Variants in LDLRAD4 observed in about 807,000 individuals in gnomAD.
LDLRAD4 encodes the protein low density lipoprotein receptor class A domain containing 4.
A neutral mutation model predicts 17.0 loss-of-function variants in LDLRAD4; 5 were observed. The observed-to-expected ratio is 0.29, with a 90% CI of 0.15 to 0.62. The LOEUF (loss-of-function observed/expected upper bound fraction) is 0.62, where lower values mean the gene tolerates loss of function less well. LDLRAD4 is among the 20% of genes least tolerant of loss of function. The pLI, the probability that LDLRAD4 is intolerant of heterozygous loss-of-function variation, is 0.84. For synonymous variants in LDLRAD4, 168 were observed against 171.8 expected (o/e 0.98, Z 0.17); for missense variants, 340 against 424.7 (o/e 0.80, Z 1.75).
intron 1 of LDLRAD4, among the ~76,000 whole-genome samples, chr18:13,342,477 CTTTT>C (rs10706515): frequency 2.3e-4 from 9 of 38,706 alleles, no homozygotes; most frequent in African/African-American, 7.0e-4. Flanking sequence ...GCCTTCCTGT[CTTTT>C]TTTTTTTTTT....
At chr18:13,437,156 T>C (rs1017866429) in intron 2 of LDLRAD4, among the ~76,000 whole-genome samples, 1 of 152,210 alleles carries the variant, frequency 6.6e-6, no homozygotes, top group African/African-American at 2.4e-5. Flanking sequence ...TGAAAGGACC[T>C]TGGACTTGAT....
intron 3 of LDLRAD4, among the ~76,000 whole-genome samples, chr18:13,576,598 T>G (rs1401316990): frequency 6.6e-6 from 1 of 152,088 alleles, no homozygotes; most frequent in Non-Finnish European, 1.5e-5. Context: ...AGCTGGAGGG[T>G]GGGTGCTGTC....
intron 1 of LDLRAD4, among the ~76,000 whole-genome samples, chr18:13,316,112 A>C (rs1169826921): frequency 6.6e-6 from 1 of 152,214 alleles, no homozygotes; most frequent in Non-Finnish European, 1.5e-5. Context: ...AAACTCTGTC[A>C]GACATGAAGC....
intron 3 of LDLRAD4, among the ~76,000 whole-genome samples, chr18:13,543,997 C>G (rs532749305): frequency 6.6e-6 from 1 of 152,252 alleles, no homozygotes; most frequent in Non-Finnish European, 1.5e-5. Flanking sequence ...GGCCCACATA[C>G]GTGCATACGT....
At chr18:13,552,337 G>A (rs1443363380) in intron 3 of LDLRAD4, among the ~76,000 whole-genome samples, 1 of 152,158 alleles carries the variant, frequency 6.6e-6, no homozygotes, top group African/African-American at 2.4e-5. Flanking sequence ...CGAATCCCAG[G>A]GCTGCTGGAA....
chr18:13,371,506 A>C (rs1465131116), intron 1 of LDLRAD4, among the ~76,000 whole-genome samples: 1 of 152,080 alleles, frequency 6.6e-6, no homozygotes, highest in Non-Finnish European at 1.5e-5. Context: ...CAGTGGCTCA[A>C]ACCTGTAATC....
intron 1 of LDLRAD4, among the ~76,000 whole-genome samples, chr18:13,379,660 T>C (rs1324894633): frequency 1.3e-5 from 2 of 152,206 alleles, no homozygotes; most frequent in African/African-American, 4.8e-5. Flanking sequence ...GGTGGCGTCC[T>C]GCAGGCCAGA....
Position 13,443,611 on chromosome 18 carries a change from A to G in LDLRAD4, c.181+5227A>G, listed in dbSNP as rs535359493. On this transcript the variant is annotated intron_variant, in intron 3 of 5. Transcript: ENST00000359446. The stretch of plus-strand genomic sequence containing the variant: ...ACCAGGATCCAAAGAAGCCCCAGGC[A>G]TCGTAGATCGCTTTGCTCTTGAAGG... 3.1e-4 allele frequency among the ~76,000 whole-genome samples: 47 copies of G among 152,338 alleles called. 1 individual carries two copies. The South Asian group carries it at 6.8e-3, about 22-fold the overall frequency.
At chr18:13,292,519 C>T (rs991810447) in intron 1 of LDLRAD4, among the ~76,000 whole-genome samples, 5 of 152,128 alleles carry the variant, frequency 3.3e-5, no homozygotes, top group African/African-American at 7.2e-5. Flanking sequence ...ATCTCCAGTA[C>T]GTTTTGAGAA....
At chr18:13,277,772 G>A (rs2044980365), upstream of LDLRAD4, among the ~76,000 whole-genome samples, 1 of 152,148 alleles carries the variant, frequency 6.6e-6, no homozygotes. Context: ...AGTCCAACAG[G>A]GATACTATCT....
rs545323005 is a variant in LDLRAD4 at position 13,222,174 on chromosome 18, C to T, written c.-467+3186C>T. Among the ~76,000 whole-genome samples the T allele has an allele frequency of 2.5e-4, 38 of 152,140 alleles. 1 individual carries two copies. Among genetic ancestry groups the T allele is most frequent in the Non-Finnish European group, 5.3e-4 (36 of 68,026 alleles). On this transcript the variant is annotated intron_variant, in intron 1 of 5. Transcript: ENST00000399848. ...CTCTGTACCCCCTTCTCAACCGTCT[C>T]CTACAACGTCACTCCCCCCATCCAT... is the stretch of plus-strand genomic sequence containing the variant.
At chr18:13,492,018 G>T (rs1157416682) in intron 3 of LDLRAD4, among the ~76,000 whole-genome samples, 1 of 152,166 alleles carries the variant, frequency 6.6e-6, no homozygotes, top group African/African-American at 2.4e-5. Context: ...TGGGTATAAT[G>T]AATACAGTAG....
chr18:13,473,178 A>C (rs1464538547), intron 3 of LDLRAD4, among the ~76,000 whole-genome samples: 1 of 152,056 alleles, frequency 6.6e-6, no homozygotes, highest in African/African-American at 2.4e-5. Flanking sequence ...ACATCAGGTG[A>C]GTTATGTTCA....
At chr18:13,484,942 T>G (rs1461449991) in intron 3 of LDLRAD4, among the ~76,000 whole-genome samples, 1 of 152,198 alleles carries the variant, frequency 6.6e-6, no homozygotes, top group Non-Finnish European at 1.5e-5. Context: ...CATTAGAATA[T>G]AATTTGTATT....
Position 13,387,876 on chromosome 18 carries a change from C to T in LDLRAD4, c.40+114C>T. On this transcript the variant is annotated intron_variant, in intron 2 of 5. Transcript: ENST00000359446. ...TGCAGTCAGGAGCTGAAGGCCAACG[C>T]AGTCAAGGGCTCAGGCTGCTGTGGT... 6 of 850,142 alleles carry T rather than the reference C, an allele frequency of 7.1e-6. No homozygotes were observed. The Admixed American group carries it at 9.1e-5, about 13-fold the overall frequency. 52.7% of individuals were successfully genotyped at this position (850,142 alleles called of 1,614,324 possible).
intron 3 of LDLRAD4, chr18:13,465,133 A>C (rs1600545459): frequency 6.6e-6 from 1 of 152,124 alleles, no homozygotes; most frequent in East Asian, 1.9e-4. Flanking sequence ...GTGATTTCGG[A>C]ATTTAAATGA....
intron 3 of LDLRAD4, chr18:13,561,362 T>A (rs1469552640): frequency 6.6e-6 from 1 of 152,214 alleles, no homozygotes; most frequent in African/African-American, 2.4e-5. Context: ...CTTTTGAAAA[T>A]GTCTCTTCGA....
intron 3 of LDLRAD4, among the ~76,000 whole-genome samples, chr18:13,492,168 C>T (rs141002911): frequency 3.3e-4 from 50 of 152,268 alleles, no homozygotes; most frequent in African/African-American, 1.0e-3. Flanking sequence ...AGGCCACGCT[C>T]TTGTCCCCAG....
At chr18:13,265,303 A>G (rs1020972277) in intron 1 of LDLRAD4, among the ~76,000 whole-genome samples, 1 of 152,090 alleles carries the variant, frequency 6.6e-6, no homozygotes, top group African/African-American at 2.4e-5. Context: ...GGCAGGGCTG[A>G]CCTGTCACTG....
Sources: allele counts gnomAD v4.1 joint callset (sites outside exome capture counted in the v4.1 genomes callset), GRCh38; gene constraint gnomAD v4.1.1; transcripts MANE v1.5; gene names NCBI Gene and HGNC (gene_info 2026-07-23, HGNC 2026-07-21).